The following SEZ6L2 variants were observed in gnomAD, a reference collection of about 807,000 sequenced individuals.
The protein encoded by SEZ6L2 is seizure 6-like protein 2.
Under a neutral mutation model 97.0 loss-of-function variants are expected in SEZ6L2, and 44 were observed. The observed-to-expected ratio is 0.45, with a 90% CI of 0.36 to 0.58. SEZ6L2 has a LOEUF of 0.58. Among genes scored for constraint, SEZ6L2 ranks in the 20% least tolerant of loss-of-function variants. The pLI is 0.00. For synonymous variants in SEZ6L2, 543 were observed against 546.1 expected, an observed-to-expected ratio of 0.99 and a Z score of 0.08; for missense variants, 1,086 against 1,233.3, an observed-to-expected ratio of 0.88 and a Z score of 1.79.
intron 9 of SEZ6L2, 137 bp from the exon 10 acceptor site, chr16:29,878,562 T>A: frequency 1.7e-6 from 1 of 589,856 alleles, no homozygotes; most frequent in Non-Finnish European, 2.5e-6. Flanking sequence ...CTGTTTCTTT[T>A]ATTCTTTTAT....
At chr16:29,888,843 T>TCGGC (rs1382571530) in intron 5 of SEZ6L2, 118 bp from the exon 6 acceptor site, 7 of 876,566 alleles carry the variant, frequency 8.0e-6, no homozygotes, top group Non-Finnish European at 1.0e-5. Flanking sequence ...ACACACTGGC[T>TCGGC]CCATACTGGC....
At position 29,879,733 on chromosome 16, in the gene SEZ6L2, C is replaced by T; in HGVS notation, c.1573+131G>A. ...GCTAAGAAAACAGCCTCTGAAGGGA[C>T]AGGGATTTACCCAAGGCTTGGGTGG... On this transcript the variant is annotated intron_variant, in intron 9 of 17. Coordinates refer to ENST00000617533, the MANE Select transcript of SEZ6L2 (RefSeq NM_001243332.2). 4.9e-6 allele frequency: 4 copies of T among 814,254 alleles called. No homozygotes were observed. In the South Asian group the frequency reaches 5.3e-5, roughly 11 times the overall value. 50.4% of individuals were successfully genotyped at this position (814,254 alleles called of 1,614,324 possible).
At chr16:29,881,556 G>A (rs964399627) in intron 8 of SEZ6L2, among the ~76,000 whole-genome samples, 2 of 151,628 alleles carry the variant, frequency 1.3e-5, no homozygotes, top group African/African-American at 4.8e-5. Flanking sequence ...CCACCTGATC[G>A]GATCTTAGCT....
chr16:29,898,923 A>C lies in SEZ6L2; in HGVS notation c.79+18T>G, dbSNP rs774523699. ...GGACGCCTTCCTGGGGCCCACCCCC[A>C]CAGTCTCATGTCCTTACCCTGGATC... On this transcript the variant is annotated intron_variant, in intron 1 of 17. Coordinates refer to ENST00000617533, the MANE Select transcript of SEZ6L2 (RefSeq NM_001243332.2). 99 of 1,598,752 alleles carry C rather than the reference A, an allele frequency of 6.2e-5. No individual in the cohort carries two copies. Among genetic ancestry groups the C allele is most frequent in the Non-Finnish European group, 7.8e-5 (91 of 1,173,002 alleles).
chr16:29,897,367 C>T lies in SEZ6L2; in HGVS notation c.212-246G>A, dbSNP rs1378854051. On this transcript the variant is annotated intron_variant, in intron 2 of 17. Transcript: ENST00000617533. ...CCACCCAGCCCCTTCCACCCTGATACTCCTCTCCCTGAGCCTCTCTCTCTG... is the reference window on the plus strand; with the variant it reads ...CCACCCAGCCCCTTCCACCCTGATATTCCTCTCCCTGAGCCTCTCTCTCTG... Among the ~76,000 whole-genome samples, 5 of 150,754 alleles carry T rather than the reference C, an allele frequency of 3.3e-5. No individual in the cohort carries two copies. The East Asian group carries it at 9.9e-4, about 30-fold the overall frequency.
At position 29,871,597 on chromosome 16, in the gene SEZ6L2, GGGA is replaced by G; in HGVS notation, c.*99_*101del. 2 of 1,187,488 alleles carry G rather than the reference GGGA, an allele frequency of 1.7e-6. No homozygotes were observed. Among genetic ancestry groups the G allele is most frequent in the South Asian group, 2.6e-5 (2 of 76,872 alleles). The allele number at this position is 1,187,488 out of a possible 1,614,324, so 73.6% of individuals were successfully genotyped here. A position where few individuals can be genotyped will look rare whatever the true frequency, so the allele number is the denominator to read the frequency against. The stretch of plus-strand genomic sequence containing the variant: ...GATAGGGAGACTATTTACACAGCCA[GGGA>G]GGAGGGCAGCCAGGAGGCAGAGACC... On this transcript the variant is annotated 3_prime_UTR_variant, in exon 18 of 18. Transcript: ENST00000617533.
chr16:29,896,762 T>C, intron 3 of SEZ6L2, 60 bp downstream of exon 3: 1 of 1,481,154 alleles, frequency 6.8e-7, no homozygotes, highest in Non-Finnish European at 9.3e-7. Flanking sequence ...CTCTCTCCCA[T>C]CCATCCCCAG....
At chr16:29,885,261 C>T (rs555336345) in intron 8 of SEZ6L2, among the ~76,000 whole-genome samples, 5 of 151,970 alleles carry the variant, frequency 3.3e-5, no homozygotes, top group African/African-American at 2.4e-5. Context: ...GTATGTAAGT[C>T]GGCAGCTATG....
chr16:29,898,926 G>A lies in SEZ6L2; in HGVS notation c.79+15C>T. On this transcript the variant is annotated intron_variant, in intron 1 of 17. Transcript: ENST00000617533. ...CGCCTTCCTGGGGCCCACCCCCACA[G>A]TCTCATGTCCTTACCCTGGATCCAG... The A allele has an allele frequency of 6.2e-7, 1 of 1,603,072 alleles. No individual in the cohort carries two copies. The highest frequency in any genetic ancestry group is 8.5e-7 in the Non-Finnish European group (1 of 1,175,108).
rs140928510 is a variant in SEZ6L2 at position 29,895,284 on chromosome 16, G to A, written c.828C>T (p.Gly276=). Residue 276 remains glycine, a synonymous_variant, in exon 5 of 18, where the codon GGC becomes GGT. Transcript: ENST00000617533. ...CCTGATAGTGGATCCTGAAGCCACC[G>A]CCCCTTGGGACCCGTGGGCTCTGGA... ...LHFQSPRVPR[G]GGFRIHYQAY... The A allele has an allele frequency of 3.9e-5, 61 of 1,583,520 alleles. No individual in the cohort carries two copies. The African/African-American group carries it at 4.8e-4, about 12-fold the overall frequency.
intron 8 of SEZ6L2, among the ~76,000 whole-genome samples, chr16:29,885,078 G>C (rs2150798168): frequency 6.8e-6 from 1 of 146,106 alleles, no homozygotes; most frequent in East Asian, 2.1e-4. Flanking sequence ...CGCGGTGGCG[G>C]GTGCCTGTAG....
chr16:29,873,137 C>T lies in SEZ6L2; in HGVS notation c.2488+103G>A. On this transcript the variant is annotated intron_variant, in intron 14 of 17. Transcript: ENST00000617533. The surrounding 1 kb of genome is among the most constrained non-coding windows in gnomAD (Gnocchi z 4.3). The stretch of plus-strand genomic sequence containing the variant: ...GAGGCCACAGGAGGAGAACCGGGAG[C>T]TCTGTGGGGTCGCCCATTGGTCTCA... 7.6e-7 allele frequency: 1 copy of T among 1,308,684 alleles called. No individual in the cohort carries two copies. The highest frequency in any genetic ancestry group is 1.1e-6 in the Non-Finnish European group (1 of 948,814). 81.1% of individuals were successfully genotyped at this position (1,308,684 alleles called of 1,614,324 possible). A position where few individuals can be genotyped will look rare whatever the true frequency, so the allele number is the denominator to read the frequency against.
intron 5 of SEZ6L2, among the ~76,000 whole-genome samples, chr16:29,891,297 C>T (rs1264430250): frequency 1.3e-5 from 2 of 151,448 alleles, no homozygotes; most frequent in Non-Finnish European, 2.9e-5. Flanking sequence ...CTCCTGACCT[C>T]AGGTGATCCA....
At position 29,887,749 on chromosome 16, in the gene SEZ6L2, C is replaced by T. The variant is rs771572181; in HGVS notation, c.1108G>A (p.Val370Ile). The change falls in exon 7 of 18, where the codon GTA (valine) becomes ATA (isoleucine). Residue 370 changes from valine to isoleucine, a missense_variant. Val to Ile is a conservative substitution (Grantham distance 29). Transcript: ENST00000617533. ...RIVSPEPGGA[V>I]GPNLTCRWVI... ...CAACGGCAGGTGAGGTTGGGCCCTACGGCTCCCCCAGGCTCTGGGGACACG... is the reference window on the plus strand; with the variant it reads ...CAACGGCAGGTGAGGTTGGGCCCTATGGCTCCCCCAGGCTCTGGGGACACG... The T allele has an allele frequency of 9.3e-6, 15 of 1,613,352 alleles. No individual in the cohort carries two copies. The highest frequency in any genetic ancestry group is 8.4e-5 in the Admixed American group (5 of 59,880).
In SEZ6L2 at chr16:29,873,853, G is replaced by A. The variant is rs1472168772; in HGVS notation, c.2105-124C>T. ...GCCAGGAGTGGTGGCGCACTCCTGT[G>A]GTTCCAGCTACTCAGGAGTTGGAGG... On this transcript the variant is annotated intron_variant, in intron 12 of 17. Transcript: ENST00000617533. This position sits in a 1 kb window ranked among gnomAD's most constrained non-coding sequence, Gnocchi z 4.3. The A allele has an allele frequency of 4.7e-6, 4 of 842,204 alleles. No individual in the cohort carries two copies. The highest frequency in any genetic ancestry group is 7.2e-6 in the Non-Finnish European group (4 of 559,268). 52.2% of individuals were successfully genotyped at this position (842,204 alleles called of 1,614,324 possible). A position where few individuals can be genotyped will look rare whatever the true frequency, so the allele number is the denominator to read the frequency against.
intron 4 of SEZ6L2, 25 bp downstream of exon 4, chr16:29,895,696 C>T (rs1304820187): frequency 6.2e-7 from 1 of 1,602,710 alleles, no homozygotes; most frequent in Non-Finnish European, 8.5e-7. Context: ...GGAAGCTGCA[C>T]AGTCACATGC....
Position 29,899,288 on chromosome 16 carries a change from AG to A in SEZ6L2, c.-270del. 1 of 403,218 alleles carries A rather than the reference AG, an allele frequency of 2.5e-6. No individual in the cohort carries two copies. Among genetic ancestry groups the A allele is most frequent in the African/African-American group, 2.2e-5 (1 of 45,586 alleles). The allele number at this position is 403,218 out of a possible 1,614,324, so 25.0% of individuals were successfully genotyped here. ...GTGGAGGGGGCGCGGCTCCGGCTGC[AG>A]GGGGTGGGGCCGAGAGGGCCGAAGG... On this transcript the variant is annotated 5_prime_UTR_variant, in exon 1 of 18. Transcript: ENST00000617533.
chr16:29,885,060 T>G (rs1056312693), intron 8 of SEZ6L2, among the ~76,000 whole-genome samples: 10 of 150,242 alleles, frequency 6.7e-5, no homozygotes, highest in African/African-American at 2.5e-4. Context: ...ACAAAAAAAT[T>G]AGTCGGGCGC....
At chr16:29,894,794 C>T (rs1024914975) in intron 5 of SEZ6L2, among the ~76,000 whole-genome samples, 1 of 152,056 alleles carries the variant, frequency 6.6e-6, no homozygotes, top group Non-Finnish European at 1.5e-5. Context: ...GATAAGTATG[C>T]ATGGGTCTCC....
Sources: allele counts gnomAD v4.1 joint callset (sites outside exome capture counted in the v4.1 genomes callset), GRCh38; gene constraint gnomAD v4.1.1; non-coding constraint Gnocchi (gnomAD v3.1); transcripts MANE v1.5; gene names NCBI Gene and HGNC (gene_info 2026-07-23, HGNC 2026-07-21).